PAQR7: variants seen among roughly 807,000 people sequenced by gnomAD.
PAQR7 encodes membrane progestin receptor alpha.
Under a neutral mutation model 24.6 loss-of-function variants are expected in PAQR7, and 14 were observed. The ratio of observed to expected loss-of-function variants is 0.57; its 90% confidence interval spans 0.38 to 0.89. The LOEUF (loss-of-function observed/expected upper bound fraction) is 0.89, where lower values mean the gene tolerates loss of function less well. Among genes scored for constraint, PAQR7 ranks in the 40% least tolerant of loss-of-function variants. The pLI, the probability that PAQR7 is intolerant of heterozygous loss-of-function variation, is 0.00. For missense variants in PAQR7, 351 were observed against 444.0 expected, an observed-to-expected ratio of 0.79 and a Z score of 1.88; for synonymous variants, 189 against 198.8, an observed-to-expected ratio of 0.95 and a Z score of 0.42.
chr1:25,863,920 G>T lies in PAQR7; in HGVS notation c.-22-59C>A. 3 of 1,345,854 alleles carry T rather than the reference G, an allele frequency of 2.2e-6. No homozygotes were observed. Among genetic ancestry groups the T allele is most frequent in the Non-Finnish European group, 3.0e-6 (3 of 991,078 alleles). The allele number at this position is 1,345,854 out of a possible 1,614,324, so 83.4% of individuals were successfully genotyped here. On this transcript the variant is annotated intron_variant, in intron 2 of 2. Coordinates refer to ENST00000675840, the MANE Select transcript of PAQR7 (RefSeq NM_178422.6). This position sits in a 1 kb window ranked among gnomAD's most constrained non-coding sequence, Gnocchi z 6.1. ...GGTGTCCTCACCCCCACGAGCAGCA[G>T]CTGGGGGGCTCTGATGCCCAAATCC...
chr1:25,863,523 G>A lies in PAQR7; in HGVS notation c.317C>T (p.Pro106Leu). Residue 106 changes from proline (P) to leucine (L), a missense_variant, in exon 3 of 3, where the codon CCC (proline) becomes CTC (leucine). Transcript: ENST00000675840. The surrounding 1 kb of genome is among the most constrained non-coding windows in gnomAD (Gnocchi z 6.1). ...AGAGGCAAGGACAATGATGAAGAGG[G>A]GCAGGGCGTGTGGGTCTCCCCAGAA... Reference protein sequence around the residue: ...VDFWGDPHALPLFIIVLASFT... With the variant: ...VDFWGDPHALLLFIIVLASFT... 3.1e-6 allele frequency: 5 copies of A among 1,614,190 alleles called. No individual in the cohort carries two copies. Among genetic ancestry groups the A allele is most frequent in the Non-Finnish European group, 4.2e-6 (5 of 1,180,022 alleles).
chr1:25,867,196 T>A (rs76568316), intron 2 of PAQR7, among the ~76,000 whole-genome samples: 5,011 of 151,788 alleles, frequency 0.033, 275 homozygotes, highest in African/African-American at 0.11. Context: ...GCTGATTTTT[T>A]AAATTTATTT....
Position 25,863,526 on chromosome 1 carries a change from A to G in PAQR7, c.314T>C (p.Leu105Pro). 1.2e-6 allele frequency: 2 copies of G among 1,614,196 alleles called. No individual in the cohort carries two copies. The highest frequency in any genetic ancestry group is 8.5e-7 in the Non-Finnish European group (1 of 1,180,020). Residue 105 changes from leucine (L) to proline (P), a missense_variant, in exon 3 of 3, where the codon CTG becomes CCG. By Grantham distance (98) the Leu-to-Pro change is moderately conservative. Transcript: ENST00000675840. The surrounding 1 kb of genome is among the most constrained non-coding windows in gnomAD (Gnocchi z 6.1). ...GGCAAGGACAATGATGAAGAGGGGC[A>G]GGGCGTGTGGGTCTCCCCAGAAGTC... is the stretch of plus-strand genomic sequence containing the variant. ...TVDFWGDPHA[L>P]PLFIIVLASF... is the part of the protein sequence containing the mutation.
rs2048642221 is a variant in PAQR7 at position 25,875,346 on chromosome 1, C to G, written c.-109+142G>C. On this transcript the variant is annotated intron_variant, in intron 1 of 2. Coordinates refer to ENST00000675840, the MANE Select transcript of PAQR7 (RefSeq NM_178422.6). The surrounding 1 kb of genome is among the most constrained non-coding windows in gnomAD (Gnocchi z 5.4). Reference sequence around the variant, plus strand: ...TCCGGCTCCGCGTCCTGCCTGTCTTCCCCGGGTCCCAAGTCCGCCCCTGCC... The same window carrying G: ...TCCGGCTCCGCGTCCTGCCTGTCTTGCCCGGGTCCCAAGTCCGCCCCTGCC... Among the ~76,000 whole-genome samples the G allele has an allele frequency of 6.6e-6, 1 of 152,210 alleles. No individual in the cohort carries two copies. The highest frequency in any genetic ancestry group is 1.5e-5 in the Non-Finnish European group (1 of 68,034).
At position 25,863,832 on chromosome 1, in the gene PAQR7, A is replaced by C. The variant is rs772978544; in HGVS notation, c.8T>G (p.Met3Arg). The change falls in exon 3 of 3, where the codon ATG (methionine) becomes AGG (arginine). Residue 3 changes from methionine to arginine, a missense_variant. Met to Arg is a moderately conservative substitution (Grantham distance 91). Coordinates refer to ENST00000675840, the MANE Select transcript of PAQR7 (RefSeq NM_178422.6). This position sits in a 1 kb window ranked among gnomAD's most constrained non-coding sequence, Gnocchi z 6.1. ...CAGGAGGTGGCTGAGTTTCTGGGCCATGGCCATGGCTGTGGGCCTGGGCAG... is the reference window on the plus strand; with the variant it reads ...CAGGAGGTGGCTGAGTTTCTGGGCCCTGGCCATGGCTGTGGGCCTGGGCAG... Reference protein sequence around the residue: MAMAQKLSHLLPS... With the variant: MARAQKLSHLLPS... 7 of 1,610,468 alleles carry C rather than the reference A, an allele frequency of 4.3e-6. No individual in the cohort carries two copies. Among genetic ancestry groups the C allele is most frequent in the Middle Eastern group, 3.3e-4 (2 of 6,074 alleles).
intron 2 of PAQR7, among the ~76,000 whole-genome samples, chr1:25,868,136 C>A (rs1438244141): frequency 6.6e-6 from 1 of 152,224 alleles, no homozygotes; most frequent in Non-Finnish European, 1.5e-5. Flanking sequence ...GTCTTCCCAA[C>A]TGAGAACCTT....
chr1:25,872,265 C>CA (rs1381916102), intron 1 of PAQR7, among the ~76,000 whole-genome samples: 1 of 152,212 alleles, frequency 6.6e-6, no homozygotes, highest in Non-Finnish European at 1.5e-5. Context: ...CTCAGCCACT[C>CA]AATCCCTGTG....
Position 25,863,515 on chromosome 1 carries a change from T to TG in PAQR7, c.324dup (p.Ile109HisfsTer24), listed in dbSNP as rs778951565. On this transcript the variant is annotated frameshift_variant, in exon 3 of 3. Coordinates refer to ENST00000675840, the MANE Select transcript of PAQR7 (RefSeq NM_178422.6). LOFTEE classifies it high-confidence loss of function. The surrounding 1 kb of genome is among the most constrained non-coding windows in gnomAD (Gnocchi z 6.1). ...TAGGTGAAAGAGGCAAGGACAATGATGAAGAGGGGCAGGGCGTGTGGGTCT... is the reference window on the plus strand; with the variant it reads ...TAGGTGAAAGAGGCAAGGACAATGATGGAAGAGGGGCAGGGCGTGTGGGTCT... The TG allele has an allele frequency of 1.2e-6, 2 of 1,613,990 alleles. No homozygotes were observed.
At position 25,875,629 on chromosome 1, in the gene PAQR7, G is replaced by T. The variant is rs1002122153; in HGVS notation, c.-250C>A. Among the ~76,000 whole-genome samples, 3 of 151,198 alleles carry T rather than the reference G, an allele frequency of 2.0e-5. No homozygotes were observed. Among genetic ancestry groups the T allele is most frequent in the African/African-American group, 7.3e-5 (3 of 41,148 alleles). On this transcript the variant is annotated 5_prime_UTR_variant, in exon 1 of 3. Coordinates refer to ENST00000675840, the MANE Select transcript of PAQR7 (RefSeq NM_178422.6). The surrounding 1 kb of genome is among the most constrained non-coding windows in gnomAD (Gnocchi z 5.4). ...GCTCTGGCTACAGCCGCCTCCGCGG[G>T]CCCAGGCGACGCCGAGCGCCCCGCA... is the stretch of plus-strand genomic sequence containing the variant.
intron 2 of PAQR7, among the ~76,000 whole-genome samples, chr1:25,868,683 C>T (rs112575583): frequency 0.02 from 2,770 of 135,422 alleles, 87 homozygotes; most frequent in African/African-American, 0.067. Flanking sequence ...GCACTCCAGC[C>T]TGGGTGACAG....
chr1:25,868,709 C>CAAAAAAAAAA (rs35304131), intron 2 of PAQR7, among the ~76,000 whole-genome samples: 1 of 89,750 alleles, frequency 1.1e-5, no homozygotes, highest in African/African-American at 3.3e-5. Flanking sequence ...GACCCTTTCT[C>CAAAAAAAAAA]AAAAAAAAAA....
intron 1 of PAQR7, among the ~76,000 whole-genome samples, chr1:25,872,255 C>G (rs981951697): frequency 2.0e-5 from 3 of 152,190 alleles, no homozygotes; most frequent in Admixed American, 2.0e-4. Flanking sequence ...CTCGTCCTGA[C>G]TCAGCCACTC....
intron 2 of PAQR7, among the ~76,000 whole-genome samples, chr1:25,865,599 G>A (rs2048550562): frequency 1.3e-5 from 2 of 152,190 alleles, no homozygotes; most frequent in South Asian, 4.1e-4. Flanking sequence ...CATGAGGTCA[G>A]GAGATCGAGA....
Position 25,863,459 on chromosome 1 carries a change from CAGG to C in PAQR7, c.378_380del (p.Leu127del). ...AATGCCAGAACTCAGACTTGGCCTG[CAGG>C]AGGTGAGCCAAGGCACTGAAGGAGA... is the stretch of plus-strand genomic sequence containing the variant. On this transcript the variant is annotated inframe_deletion, in exon 3 of 3. Coordinates refer to ENST00000675840, the MANE Select transcript of PAQR7 (RefSeq NM_178422.6). The surrounding 1 kb of genome is among the most constrained non-coding windows in gnomAD (Gnocchi z 6.1). 6.2e-7 allele frequency: 1 copy of C among 1,614,184 alleles called. No homozygotes were observed. The highest frequency in any genetic ancestry group is 1.1e-5 in the South Asian group (1 of 91,084).
chr1:25,869,364 G>A (rs1320501902), intron 2 of PAQR7, among the ~76,000 whole-genome samples: 2 of 152,062 alleles, frequency 1.3e-5, no homozygotes, highest in Non-Finnish European at 2.9e-5. Context: ...CTGAGGTCAG[G>A]AGTTCGAGAC....
At chr1:25,867,067 C>T (rs2048563167) in intron 2 of PAQR7, among the ~76,000 whole-genome samples, 1 of 152,104 alleles carries the variant, frequency 6.6e-6, no homozygotes, top group Non-Finnish European at 1.5e-5. Context: ...GCTCTGTCCC[C>T]CAGGTTGGAG....
intron 2 of PAQR7, among the ~76,000 whole-genome samples, chr1:25,869,943 G>A (rs986608714): frequency 2.6e-5 from 4 of 152,108 alleles, no homozygotes; most frequent in Non-Finnish European, 5.9e-5. Context: ...CAAAACCTGA[G>A]GCACCATGCT....
At chr1:25,865,986 CAAAAAAAA>C (rs111451589) in intron 2 of PAQR7, among the ~76,000 whole-genome samples, 8 of 97,474 alleles carry the variant, frequency 8.2e-5, no homozygotes, top group African/African-American at 2.5e-4. Flanking sequence ...AACTCCGTCT[CAAAAAAAA>C]AAAAAAAGAA....
intron 2 of PAQR7, among the ~76,000 whole-genome samples, chr1:25,869,071 G>A (rs2048582049): frequency 1.3e-5 from 2 of 152,090 alleles, no homozygotes; most frequent in South Asian, 4.1e-4. Flanking sequence ...AGGTTGCAGT[G>A]AGCCAAGATC....
Sources: gnomAD v4.1 joint callset for allele counts (sites outside exome capture counted in the v4.1 genomes callset) on GRCh38, gnomAD v4.1.1 for gene constraint, Gnocchi (gnomAD v3.1) non-coding constraint, MANE v1.5 for transcripts, NCBI Gene and HGNC (gene_info 2026-07-23, HGNC 2026-07-21) for gene names.